Variants in ZBTB46 observed in about 807,000 individuals in gnomAD.
The protein encoded by ZBTB46 is zinc finger and BTB domain-containing protein 46.
In ZBTB46, 8 loss-of-function variants were observed where a neutral mutation model predicts 44.1. The observed-to-expected ratio is 0.18, with a 90% CI of 0.11 to 0.33. The LOEUF is 0.33. Ranked by LOEUF, ZBTB46 falls within the 10% of genes least tolerant of loss-of-function variation. The probability of loss-of-function intolerance (pLI) is 1.00; values close to 1 mark genes in which losing one functional copy is unlikely to be tolerated. For missense variants in ZBTB46, 651 were observed against 847.7 expected, an observed-to-expected ratio of 0.77 and a Z score of 2.88; for synonymous variants, 409 against 382.3, an observed-to-expected ratio of 1.07 and a Z score of -0.81.
At position 63,787,104 on chromosome 20, in the gene ZBTB46, G is replaced by A. The variant is rs188200635; in HGVS notation, c.937+2717C>T. Reference sequence around the variant, plus strand: ...AGGCAAGAGGAAGGTACTGTATGACGGATACAGTTTCCCTTTGGGATGATG... The same window carrying A: ...AGGCAAGAGGAAGGTACTGTATGACAGATACAGTTTCCCTTTGGGATGATG... On this transcript the variant is annotated intron_variant, in intron 2 of 4. Transcript: ENST00000245663. This position sits in a 1 kb window ranked among gnomAD's most constrained non-coding sequence, Gnocchi z 4.6. 2.9e-4 allele frequency among the ~76,000 whole-genome samples: 44 copies of A among 152,246 alleles called. No individual in the cohort carries two copies. The highest frequency in any genetic ancestry group is 9.4e-4 in the African/African-American group (39 of 41,550).
At chr20:63,825,389 A>G (rs1037812702) in intron 1 of ZBTB46, among the ~76,000 whole-genome samples, 8 of 142,876 alleles carry the variant, frequency 5.6e-5, no homozygotes, top group African/African-American at 2.1e-4. Context: ...GGACAGAACA[A>G]GACTCCGTCT....
chr20:63,764,405 C>T lies in ZBTB46; in HGVS notation c.1222+11273G>A, dbSNP rs555898277. On this transcript the variant is annotated intron_variant, in intron 3 of 4. Coordinates refer to ENST00000245663, the MANE Select transcript of ZBTB46 (RefSeq NM_001369741.1). Reference sequence around the variant, plus strand: ...GAGCAGAGATCGCACCATTGCACTCCAGCCTAGGTGACTGAGCGAGGCCCT... The same window carrying T: ...GAGCAGAGATCGCACCATTGCACTCTAGCCTAGGTGACTGAGCGAGGCCCT... 5.7e-4 allele frequency among the ~76,000 whole-genome samples: 87 copies of T among 151,642 alleles called. 2 individuals carry two copies. Among genetic ancestry groups the T allele is most frequent in the African/African-American group, 2.0e-3 (84 of 41,384 alleles).
At chr20:63,829,771 C>T (rs981507081) in intron 1 of ZBTB46, among the ~76,000 whole-genome samples, 4 of 152,240 alleles carry the variant, frequency 2.6e-5, no homozygotes, top group Admixed American at 2.6e-4. Flanking sequence ...CTATTTTCCA[C>T]TCTTGTAGAG....
At chr20:63,764,819 G>T (rs927240238) in intron 3 of ZBTB46, among the ~76,000 whole-genome samples, 2 of 151,952 alleles carry the variant, frequency 1.3e-5, no homozygotes, top group Non-Finnish European at 2.9e-5. Context: ...GGCTGGTCTC[G>T]AACTCCTGAC....
At chr20:63,829,138 C>T (rs2092834785) in intron 1 of ZBTB46, among the ~76,000 whole-genome samples, 1 of 152,206 alleles carries the variant, frequency 6.6e-6, no homozygotes, top group Non-Finnish European at 1.5e-5. Flanking sequence ...ACCTCTGTGA[C>T]CACCAGGGGC....
rs372391042 is a variant in ZBTB46 at position 63,744,239 on chromosome 20, T to G, written c.*2691A>C. 1 of 152,184 alleles carries G rather than the reference T, an allele frequency of 6.6e-6. No homozygotes were observed. The highest frequency in any genetic ancestry group is 2.4e-5 in the African/African-American group (1 of 41,432). The allele number at this position is 152,184 out of a possible 1,614,324, so 9.4% of individuals were successfully genotyped here. On this transcript the variant is annotated 3_prime_UTR_variant, in exon 5 of 5. Transcript: ENST00000245663. ...CCAGTTTTTGCATTTTCTCAGTTTTTTAAAGAGGAAGATGTGCAAAGTTGG... is the reference window on the plus strand; with the variant it reads ...CCAGTTTTTGCATTTTCTCAGTTTTGTAAAGAGGAAGATGTGCAAAGTTGG...
chr20:63,791,124 C>T (rs2092557377), intron 1 of ZBTB46, among the ~76,000 whole-genome samples: 1 of 152,180 alleles, frequency 6.6e-6, no homozygotes, highest in African/African-American at 2.4e-5. Flanking sequence ...GCAACTCTTA[C>T]CCAAACTGAG....
chr20:63,789,559 G>C (rs1484143557), intron 2 of ZBTB46, among the ~76,000 whole-genome samples: 1 of 152,240 alleles, frequency 6.6e-6, no homozygotes, highest in African/African-American at 2.4e-5. Context: ...GCCCAGCCCA[G>C]GCAGCCCCCG....
Position 63,788,793 on chromosome 20 carries a change from C to T in ZBTB46, c.937+1028G>A, listed in dbSNP as rs890826107. Among the ~76,000 whole-genome samples the T allele has an allele frequency of 2.7e-5, 4 of 150,114 alleles. No homozygotes were observed. The South Asian group carries it at 8.6e-4, about 32-fold the overall frequency. ...GACAGAGGTTGCAGTGAGCCGAGAT[C>T]ACGTCACTGCACTCCAGCCTGGGCA... On this transcript the variant is annotated intron_variant, in intron 2 of 4. Coordinates refer to ENST00000245663, the MANE Select transcript of ZBTB46 (RefSeq NM_001369741.1).
intron 4 of ZBTB46, among the ~76,000 whole-genome samples, chr20:63,748,111 G>A (rs1447699852): frequency 1.3e-5 from 2 of 152,176 alleles, no homozygotes; most frequent in South Asian, 2.1e-4. Flanking sequence ...CTCCAGGAAC[G>A]TGTAAAGGAG....
chr20:63,804,121 T>TG (rs1405431912), intron 1 of ZBTB46, among the ~76,000 whole-genome samples: 1 of 147,840 alleles, frequency 6.8e-6, no homozygotes, highest in Non-Finnish European at 1.5e-5. Context: ...CGGTGGGCTG[T>TG]GGGGTCCCTG....
chr20:63,826,848 T>C (rs1416968332), intron 1 of ZBTB46, among the ~76,000 whole-genome samples: 4 of 152,208 alleles, frequency 2.6e-5, no homozygotes, highest in Non-Finnish European at 4.4e-5. Flanking sequence ...TCCTCATGCC[T>C]ACCCCCACAG....
intron 2 of ZBTB46, among the ~76,000 whole-genome samples, chr20:63,777,112 G>A (rs1440015285): frequency 1.9e-5 from 1 of 53,586 alleles, no homozygotes; most frequent in African/African-American, 6.0e-5. Flanking sequence ...CACACGCCAC[G>A]GTTCCACCAC....
intron 3 of ZBTB46, among the ~76,000 whole-genome samples, chr20:63,771,940 C>T (rs1169416506): frequency 6.6e-6 from 1 of 151,936 alleles, no homozygotes; most frequent in Non-Finnish European, 1.5e-5. Flanking sequence ...GTTCACAGCC[C>T]GACAGGCGAA....
At chr20:63,806,417 A>G (rs1018070452) in intron 1 of ZBTB46, among the ~76,000 whole-genome samples, 2 of 144,962 alleles carry the variant, frequency 1.4e-5, no homozygotes, top group African/African-American at 2.6e-5. Flanking sequence ...CAAAAAAAAA[A>G]AAAAAAGAAA....
At chr20:63,758,484 T>C (rs1460765010) in intron 3 of ZBTB46, among the ~76,000 whole-genome samples, 5 of 151,904 alleles carry the variant, frequency 3.3e-5, no homozygotes, top group Non-Finnish European at 1.5e-5. Flanking sequence ...GGGCCTGCTA[T>C]TCTGGAAATT....
chr20:63,751,966 G>A (rs772099983), intron 4 of ZBTB46, among the ~76,000 whole-genome samples: 2 of 152,090 alleles, frequency 1.3e-5, no homozygotes, highest in Non-Finnish European at 2.9e-5. Flanking sequence ...CTTCCGCCCC[G>A]ACAGCAGCCC....
intron 4 of ZBTB46, among the ~76,000 whole-genome samples, chr20:63,749,009 C>G (rs564601312): frequency 1.1e-4 from 17 of 152,362 alleles, no homozygotes; most frequent in Non-Finnish European, 2.1e-4. Context: ...AATCCACAGG[C>G]CGACAGGCCA....
chr20:63,798,780 G>C (rs2092622715), intron 1 of ZBTB46, among the ~76,000 whole-genome samples: 1 of 150,412 alleles, frequency 6.6e-6, no homozygotes, highest in Non-Finnish European at 1.5e-5. Flanking sequence ...GGAGGCAGAG[G>C]ATGCAGTGAG....
Sources: allele counts gnomAD v4.1 joint callset (sites outside exome capture counted in the v4.1 genomes callset), GRCh38; gene constraint gnomAD v4.1.1; non-coding constraint Gnocchi (gnomAD v3.1); transcripts MANE v1.5; gene names NCBI Gene and HGNC (gene_info 2026-07-23, HGNC 2026-07-21).